Variants in DUXA observed in about 807,000 individuals in gnomAD.
DUXA encodes the protein double homeobox A, also known as double homeobox protein A.
A neutral mutation model predicts 27.5 loss-of-function variants in DUXA; 25 were observed. The observed-to-expected ratio is 0.91, with a 90% CI of 0.66 to 1.27. DUXA has a LOEUF of 1.27. Among genes scored for constraint, DUXA ranks in the 50% most tolerant of loss-of-function variants. The probability of loss-of-function intolerance (pLI) is 0.00; values close to 1 mark genes in which losing one functional copy is unlikely to be tolerated. For synonymous variants in DUXA, 90 were observed against 80.5 expected (o/e 1.12, Z -0.63); for missense variants, 247 against 242.9 (o/e 1.02, Z -0.11).
Position 57,167,438 on chromosome 19 carries a change from G to A in DUXA, c.6C>T (p.Ala2=), listed in dbSNP as rs564812746. The A allele has an allele frequency of 2.4e-5, 38 of 1,613,600 alleles. No individual in the cohort carries two copies. The Admixed American group carries it at 3.0e-4, about 13-fold the overall frequency. The change falls in exon 1 of 6, where the codon GCC becomes GCT. Residue 2 remains alanine, a synonymous_variant. Coordinates refer to ENST00000554048, the MANE Select transcript of DUXA (RefSeq NM_001012729.2). ...ACTTACTGTGTGAATAGGTGTCTTC[G>A]GCCATGCTGGAAGAGAGTCCTGAAG... is the stretch of plus-strand genomic sequence containing the variant. M[A]EDTYSHKMVK... is the part of the protein sequence containing the mutation.
chr19:57,156,575 AT>A (rs977709399), intron 4 of DUXA, among the ~76,000 whole-genome samples: 2 of 151,344 alleles, frequency 1.3e-5, no homozygotes, highest in Non-Finnish European at 2.9e-5. Flanking sequence ...CTAACTTTTA[AT>A]TTTTTTCATA....
At chr19:57,167,375 T>C in intron 1 of DUXA, 44 bp downstream of exon 1, 1 of 1,611,474 alleles carries the variant, frequency 6.2e-7, no homozygotes, top group Non-Finnish European at 8.5e-7. Flanking sequence ...GCCCTACTTT[T>C]TCCCCAAACC....
chr19:57,161,722 G>T (rs1468182172), intron 1 of DUXA, among the ~76,000 whole-genome samples: 2 of 151,930 alleles, frequency 1.3e-5, no homozygotes, highest in Non-Finnish European at 2.9e-5. Context: ...AATGTGTTCT[G>T]TTCATATGGA....
intron 1 of DUXA, among the ~76,000 whole-genome samples, chr19:57,166,711 A>G (rs1341716622): frequency 6.6e-6 from 1 of 152,172 alleles, no homozygotes; most frequent in African/African-American, 2.4e-5. Context: ...CAATAATCTC[A>G]TGCAATGGGC....
chr19:57,158,256 A>C, intron 4 of DUXA, 72 bp downstream of exon 4: 1 of 1,550,272 alleles, frequency 6.5e-7, no homozygotes, highest in Non-Finnish European at 8.8e-7. Flanking sequence ...GAACTGCCTG[A>C]GGCCCATGTG....
At chr19:57,167,267 TA>T in intron 1 of DUXA, 151 bp downstream of exon 1, 3 of 920,068 alleles carry the variant, frequency 3.3e-6, no homozygotes, top group Non-Finnish European at 5.1e-6. Flanking sequence ...CCTATTTTCA[TA>T]ATATCACATC....
In DUXA at chr19:57,161,555, G is replaced by A. The variant is rs370691036; in HGVS notation, c.26-758C>T. ...GGAGAATGGCGTGAACCCGGGAGGC[G>A]GAGCTTGCAGTGAGCCGAGATTGCG... On this transcript the variant is annotated intron_variant, in intron 1 of 5. Transcript: ENST00000554048. Among the ~76,000 whole-genome samples the A allele has an allele frequency of 6.4e-4, 97 of 151,204 alleles. No homozygotes were observed. In the East Asian group the frequency reaches 8.6e-3, roughly 13 times the overall value.
At chr19:57,166,242 C>T (rs2087053848) in intron 1 of DUXA, among the ~76,000 whole-genome samples, 1 of 152,200 alleles carries the variant, frequency 6.6e-6, no homozygotes, top group Middle Eastern at 3.4e-3. Context: ...ATCTAGGGCA[C>T]GATAGGGCCA....
intron 3 of DUXA, 106 bp from the exon 4 acceptor site, chr19:57,158,579 C>A: frequency 7.3e-7 from 1 of 1,370,604 alleles, no homozygotes; most frequent in Non-Finnish European, 1.0e-6. Flanking sequence ...CCTCCAATTT[C>A]GATCCCACTG....
intron 1 of DUXA, among the ~76,000 whole-genome samples, chr19:57,162,041 C>T (rs927755856): frequency 6.6e-6 from 1 of 152,176 alleles, no homozygotes; most frequent in South Asian, 2.1e-4. Flanking sequence ...CAGGTGCACA[C>T]CCCCACACCC....
chr19:57,157,264 G>A (rs2086997336), intron 4 of DUXA, among the ~76,000 whole-genome samples: 1 of 152,178 alleles, frequency 6.6e-6, no homozygotes, highest in South Asian at 2.1e-4. Flanking sequence ...TTCAAGATGT[G>A]TCAGGAATGA....
chr19:57,160,126 T>C (rs1479557437), intron 2 of DUXA, among the ~76,000 whole-genome samples: 1 of 151,884 alleles, frequency 6.6e-6, no homozygotes, highest in Non-Finnish European at 1.5e-5. Flanking sequence ...AAATTAGCTG[T>C]GGTGGCACAT....
At chr19:57,156,828 C>G (rs923701289) in intron 4 of DUXA, among the ~76,000 whole-genome samples, 3 of 152,154 alleles carry the variant, frequency 2.0e-5, no homozygotes, top group African/African-American at 7.2e-5. Context: ...CCATGCCCAG[C>G]TAAATTTTTG....
intron 1 of DUXA, 32 bp downstream of exon 1, chr19:57,167,387 A>G (rs2087059960): frequency 1.9e-6 from 3 of 1,611,960 alleles, no homozygotes; most frequent in East Asian, 2.2e-5. Flanking sequence ...CCCCAAACCA[A>G]CAAAAGCTCA....
At chr19:57,155,184 G>A (rs897618372) in intron 5 of DUXA, 83 bp downstream of exon 5, 1 of 1,263,968 alleles carries the variant, frequency 7.9e-7, no homozygotes, top group African/African-American at 1.5e-5. Flanking sequence ...CTCCCAGGAG[G>A]AGCTGTCGGC....
At chr19:57,158,727 T>C (rs1375925432) in intron 3 of DUXA, among the ~76,000 whole-genome samples, 1 of 152,108 alleles carries the variant, frequency 6.6e-6, no homozygotes, top group African/African-American at 2.4e-5. Flanking sequence ...CTCACGCCTG[T>C]AATGCCGGCA....
At chr19:57,159,306 T>C (rs767849930) in intron 2 of DUXA, 28 bp from the exon 3 acceptor site, 2 of 1,599,790 alleles carry the variant, frequency 1.3e-6, no homozygotes, top group South Asian at 2.2e-5. Flanking sequence ...AAGGAGAGAA[T>C]TACGTGTTAA....
chr19:57,157,385 G>C (rs557609997), intron 4 of DUXA, among the ~76,000 whole-genome samples: 8 of 151,984 alleles, frequency 5.3e-5, no homozygotes, highest in African/African-American at 1.4e-4. Context: ...AGGCTGGAGT[G>C]CAGTGGTGCA....
intron 1 of DUXA, among the ~76,000 whole-genome samples, chr19:57,163,940 C>T (rs904749108): frequency 6.6e-6 from 1 of 151,992 alleles, no homozygotes; most frequent in Non-Finnish European, 1.5e-5. Flanking sequence ...TTAGACTGGG[C>T]GTAGGTGGCT....
Sources: gnomAD v4.1 joint callset for allele counts (sites outside exome capture counted in the v4.1 genomes callset) on GRCh38, gnomAD v4.1.1 for gene constraint, MANE v1.5 for transcripts, NCBI Gene and HGNC (gene_info 2026-07-23, HGNC 2026-07-21) for gene names.